The following DIP2C variants were observed in gnomAD, a reference collection of about 807,000 sequenced individuals.
DIP2C encodes DIP2 acetate--CoA ligase C (putative).
DIP2C carries 33 observed loss-of-function variants against 192.4 expected under a neutral mutation model. The ratio of observed to expected loss-of-function variants is 0.17; its 90% CI spans 0.13 to 0.23. DIP2C has a LOEUF of 0.23. Ranked by LOEUF, DIP2C falls within the 10% of genes least tolerant of loss-of-function variation. The pLI is 1.00. For missense variants in DIP2C, 1,537 were observed against 2,110.1 expected (o/e 0.73, Z 5.32); for synonymous variants, 979 against 864.1 (o/e 1.13, Z -2.33).
chr10:334,406 GTC>G (rs1564570634), intron 29 of DIP2C, among the ~76,000 whole-genome samples: 1 of 150,108 alleles, frequency 6.7e-6, no homozygotes, highest in African/African-American at 2.5e-5. Flanking sequence ...ACTGTGGCTT[GTC>G]TTTCTACTTA....
At chr10:504,289 A>C (rs1291695986) in intron 1 of DIP2C, among the ~76,000 whole-genome samples, 2 of 152,230 alleles carry the variant, frequency 1.3e-5, no homozygotes, top group Admixed American at 1.3e-4. Flanking sequence ...CACGCAAGGG[A>C]AACAGCCGTC....
intron 1 of DIP2C, among the ~76,000 whole-genome samples, chr10:648,528 CG>C (rs1855631054): frequency 7.5e-6 from 1 of 132,658 alleles, no homozygotes; most frequent in African/African-American, 2.9e-5. Context: ...GGATGGTGGG[CG>C]AGAACAGAGG....
At chr10:420,087 G>A (rs1052926150) in intron 5 of DIP2C, among the ~76,000 whole-genome samples, 1 of 152,206 alleles carries the variant, frequency 6.6e-6, no homozygotes, top group Non-Finnish European at 1.5e-5. Flanking sequence ...CCCCGCCACT[G>A]TCCCACGCAA....
At chr10:587,346 C>T (rs562773134) in intron 1 of DIP2C, among the ~76,000 whole-genome samples, 4 of 152,340 alleles carry the variant, frequency 2.6e-5, no homozygotes, top group South Asian at 2.1e-4. Context: ...GTCAGTAAAA[C>T]GCGGTGATAA....
chr10:469,463 T>G (rs553150281), intron 3 of DIP2C, among the ~76,000 whole-genome samples: 1 of 152,112 alleles, frequency 6.6e-6, no homozygotes, highest in South Asian at 2.1e-4. Context: ...ATTACAGGCA[T>G]GCACCACCAT....
chr10:374,482 T>C (rs377286470), intron 17 of DIP2C, among the ~76,000 whole-genome samples: 3 of 152,320 alleles, frequency 2.0e-5, no homozygotes, highest in East Asian at 3.9e-4. Flanking sequence ...ACCCTCCCTG[T>C]TTAGCAGACA....
intron 1 of DIP2C, among the ~76,000 whole-genome samples, chr10:524,535 G>A (rs963237423): frequency 6.6e-6 from 1 of 152,008 alleles, no homozygotes; most frequent in East Asian, 1.9e-4. Flanking sequence ...AAACATGGAC[G>A]ATAAACCATA....
At chr10:378,227 T>C (rs867114836) in intron 17 of DIP2C, among the ~76,000 whole-genome samples, 4 of 152,122 alleles carry the variant, frequency 2.6e-5, no homozygotes, top group Middle Eastern at 6.8e-3. Flanking sequence ...GAGAAAAAAA[T>C]ACTTTAAATG....
chr10:562,940 T>C (rs1849294367), intron 1 of DIP2C, among the ~76,000 whole-genome samples: 2 of 152,248 alleles, frequency 1.3e-5, no homozygotes, highest in African/African-American at 4.8e-5. Context: ...CTAAATACTC[T>C]TCTGTGAACA....
At chr10:580,232 C>T (rs542163708) in intron 1 of DIP2C, among the ~76,000 whole-genome samples, 20 of 151,300 alleles carry the variant, frequency 1.3e-4, no homozygotes, top group African/African-American at 4.7e-4. Flanking sequence ...TGTCAGTACA[C>T]TAACATATAC....
At chr10:338,863 A>C (rs1328282707) in intron 29 of DIP2C, among the ~76,000 whole-genome samples, 1 of 140,052 alleles carries the variant, frequency 7.1e-6, no homozygotes, top group Non-Finnish European at 1.6e-5. Flanking sequence ...CCTGGCTCCC[A>C]CAGCCCACCC....
At chr10:658,164 G>A (rs572065879) in intron 1 of DIP2C, among the ~76,000 whole-genome samples, 10 of 131,862 alleles carry the variant, frequency 7.6e-5, no homozygotes, top group African/African-American at 2.1e-4. Flanking sequence ...TGGACCTGCC[G>A]CTGGACCTGT....
chr10:495,027 C>T (rs1345616553), intron 1 of DIP2C, among the ~76,000 whole-genome samples: 1 of 152,172 alleles, frequency 6.6e-6, no homozygotes, highest in Non-Finnish European at 1.5e-5. Context: ...GGTGTATGGA[C>T]AAAACAAATA....
chr10:607,209 C>A (rs550246818), intron 1 of DIP2C, among the ~76,000 whole-genome samples: 1 of 152,218 alleles, frequency 6.6e-6, no homozygotes, highest in Non-Finnish European at 1.5e-5. Flanking sequence ...AGGCCTAAAG[C>A]CTCGAAGACA....
intron 4 of DIP2C, among the ~76,000 whole-genome samples, chr10:426,990 G>A (rs1966636060): frequency 6.6e-6 from 1 of 152,102 alleles, no homozygotes; most frequent in South Asian, 2.1e-4. Context: ...TTAGTAAACT[G>A]GACTTCATTA....
intron 1 of DIP2C, among the ~76,000 whole-genome samples, chr10:535,331 C>G (rs1429263823): frequency 6.6e-6 from 1 of 151,640 alleles, no homozygotes; most frequent in Non-Finnish European, 1.5e-5. Flanking sequence ...TGTGGAAACT[C>G]CATGCTGTGC....
At chr10:600,318 C>G (rs1009828123) in intron 1 of DIP2C, among the ~76,000 whole-genome samples, 5 of 152,202 alleles carry the variant, frequency 3.3e-5, no homozygotes, top group Non-Finnish European at 7.4e-5. Context: ...TCAGCACAAC[C>G]TCCCACTCCT....
intron 1 of DIP2C, among the ~76,000 whole-genome samples, chr10:583,825 G>A (rs80080546): frequency 6.6e-6 from 1 of 152,212 alleles, no homozygotes; most frequent in Non-Finnish European, 1.5e-5. Flanking sequence ...CAATACTGAT[G>A]TGAGCCAAAA....
At chr10:386,041 G>A (rs902681284) in intron 14 of DIP2C, among the ~76,000 whole-genome samples, 3 of 152,190 alleles carry the variant, frequency 2.0e-5, no homozygotes, top group African/African-American at 7.2e-5. Context: ...GGAGCAGGCA[G>A]GCTGGCACCA....
Sources: allele counts gnomAD v4.1 joint callset (sites outside exome capture counted in the v4.1 genomes callset), GRCh38; gene constraint gnomAD v4.1.1; transcripts MANE v1.5; gene names NCBI Gene and HGNC (gene_info 2026-07-23, HGNC 2026-07-21).